KHDRBS2: variants seen among roughly 807,000 people sequenced by gnomAD.
KHDRBS2 encodes KH RNA binding domain containing, signal transduction associated 2.
Under a neutral mutation model 44.3 loss-of-function variants are expected in KHDRBS2, and 26 were observed. That is an observed-to-expected ratio of 0.59 (90% CI 0.43 to 0.81). The LOEUF (loss-of-function observed/expected upper bound fraction) is 0.81, where lower values mean the gene tolerates loss of function less well. Among genes scored for constraint, KHDRBS2 ranks in the 40% least tolerant of loss-of-function variants. The pLI is 0.00. For missense variants in KHDRBS2, 476 were observed against 433.1 expected (o/e 1.10, Z -0.88); for synonymous variants, 194 against 151.1 (o/e 1.28, Z -2.08).
In KHDRBS2 at chr6:61,967,660, A is replaced by C. The variant is rs187182845; in HGVS notation, c.483+10406T>G. Among the ~76,000 whole-genome samples, 252 of 151,982 alleles carry C rather than the reference A, an allele frequency of 1.7e-3. 1 individual carries two copies. Among genetic ancestry groups the C allele is most frequent in the African/African-American group, 6.0e-3 (247 of 41,506 alleles). On this transcript the variant is annotated intron_variant, in intron 4 of 8. Coordinates refer to ENST00000281156, the MANE Select transcript of KHDRBS2 (RefSeq NM_152688.4). ...AAGCAAGTCGGTTGGGAAGAGGCTG[A>C]AAGTGAATAAGCACACAGAGAGAGG...
At chr6:61,581,323 T>A in the KHDRBS2 span, among the ~76,000 whole-genome samples, 10 of 152,244 alleles carry the variant, frequency 6.6e-5, no homozygotes, top group Admixed American at 3.3e-4. Flanking sequence ...CCTCAATATC[T>A]ACTAACAAAC....
intron 6 of KHDRBS2, among the ~76,000 whole-genome samples, chr6:61,837,504 A>G (rs569270834): frequency 2.0e-5 from 3 of 152,098 alleles, no homozygotes; most frequent in African/African-American, 7.2e-5. Flanking sequence ...TTGTAAGACA[A>G]TGTTCAAACA....
At chr6:61,597,417 A>G in the KHDRBS2 span, among the ~76,000 whole-genome samples, 90 of 152,144 alleles carry the variant, frequency 5.9e-4, no homozygotes, top group Non-Finnish European at 9.9e-4. Flanking sequence ...TGTGAGGTGA[A>G]CAAGGGACCC....
At chr6:61,681,169 C>T (rs1217660929) in intron 8 of KHDRBS2, 109 bp from the exon 9 acceptor site, 5 of 723,906 alleles carry the variant, frequency 6.9e-6, no homozygotes, top group African/African-American at 1.8e-5. Context: ...GATCTCAACA[C>T]CGAACGCTAA....
At chr6:61,871,624 A>C (rs1343678161) in intron 6 of KHDRBS2, among the ~76,000 whole-genome samples, 4 of 152,276 alleles carry the variant, frequency 2.6e-5, no homozygotes, top group African/African-American at 9.6e-5. Context: ...AGCTACCCTC[A>C]AAGGGAAACT....
intron 4 of KHDRBS2, among the ~76,000 whole-genome samples, chr6:61,966,214 T>C (rs1468324457): frequency 6.6e-6 from 1 of 152,066 alleles, no homozygotes; most frequent in Non-Finnish European, 1.5e-5. Flanking sequence ...TATCTCATCG[T>C]AAGATAAAAC....
At chr6:61,658,382 T>A in the KHDRBS2 span, among the ~76,000 whole-genome samples, 1 of 151,858 alleles carries the variant, frequency 6.6e-6, no homozygotes, top group Non-Finnish European at 1.5e-5. Flanking sequence ...TTGGGCTAAA[T>A]AAGAAAAAGA....
intron 2 of KHDRBS2, among the ~76,000 whole-genome samples, chr6:62,052,951 C>T (rs1299946656): frequency 2.6e-5 from 4 of 151,884 alleles, no homozygotes; most frequent in Non-Finnish European, 5.9e-5. Context: ...TAAAATTGTT[C>T]TGTATTTGGA....
chr6:61,879,319 C>T (rs183486667), intron 6 of KHDRBS2, among the ~76,000 whole-genome samples: 84 of 152,050 alleles, frequency 5.5e-4, no homozygotes, highest in Non-Finnish European at 9.9e-4. Flanking sequence ...TTCACTCTCA[C>T]AAATTATATT....
At chr6:62,174,624 A>G (rs1820725792) in intron 2 of KHDRBS2, among the ~76,000 whole-genome samples, 1 of 151,862 alleles carries the variant, frequency 6.6e-6, no homozygotes, top group African/African-American at 2.4e-5. Context: ...AATCTATCCA[A>G]AAAAAGTCAT....
chr6:61,788,054 T>G (rs900425483), intron 6 of KHDRBS2, among the ~76,000 whole-genome samples: 3 of 151,618 alleles, frequency 2.0e-5, no homozygotes, highest in African/African-American at 7.2e-5. Context: ...TGGGAATAAT[T>G]TTTTAAGTGC....
At chr6:61,611,748 T>A in the KHDRBS2 span, among the ~76,000 whole-genome samples, 1 of 152,232 alleles carries the variant, frequency 6.6e-6, no homozygotes, top group African/African-American at 2.4e-5. Context: ...ACTTTTATTT[T>A]GAACTTTCGT....
chr6:62,102,725 G>A (rs1323190442), intron 2 of KHDRBS2, among the ~76,000 whole-genome samples: 1 of 152,130 alleles, frequency 6.6e-6, no homozygotes, highest in Non-Finnish European at 1.5e-5. Context: ...AGCAACTCTG[G>A]CTTGGGAAAC....
Position 62,057,354 on chromosome 6 carries a change from G to GA in KHDRBS2, c.220-9361dup, listed in dbSNP as rs573938679. ...TTTCTATTTGAGATTTAAAGTATTAGAAAAAAAAAGTAATCACTAAGCTGG... is the reference window on the plus strand; with the variant it reads ...TTTCTATTTGAGATTTAAAGTATTAGAAAAAAAAAAGTAATCACTAAGCTGG... On this transcript the variant is annotated intron_variant, in intron 2 of 8. Transcript: ENST00000281156. 3.7e-3 allele frequency among the ~76,000 whole-genome samples: 559 copies of GA among 150,542 alleles called. 5 individuals carry two copies. The highest frequency in any genetic ancestry group is 0.012 in the African/African-American group (503 of 41,148).
chr6:62,004,543 A>G (rs1017342627), intron 3 of KHDRBS2, among the ~76,000 whole-genome samples: 36 of 152,248 alleles, frequency 2.4e-4, no homozygotes, highest in African/African-American at 8.7e-4. Flanking sequence ...AAAAAACTCC[A>G]TGACCAGACG....
chr6:62,245,453 G>T (rs1021563607), intron 1 of KHDRBS2, among the ~76,000 whole-genome samples: 1 of 152,048 alleles, frequency 6.6e-6, no homozygotes, highest in African/African-American at 2.4e-5. Flanking sequence ...AATTATGTTT[G>T]ATTTTCTTTC....
intron 3 of KHDRBS2, among the ~76,000 whole-genome samples, chr6:61,996,201 G>A (rs1171016942): frequency 6.6e-6 from 1 of 152,004 alleles, no homozygotes; most frequent in Non-Finnish European, 1.5e-5. Flanking sequence ...TCTGTGACTT[G>A]GAATGAAATC....
intron 2 of KHDRBS2, among the ~76,000 whole-genome samples, chr6:62,103,613 G>A (rs1802427603): frequency 1.4e-5 from 2 of 141,054 alleles, no homozygotes; most frequent in African/African-American, 5.4e-5. Context: ...AGAAGCAGCT[G>A]CGCCCAGGAG....
the KHDRBS2 span, among the ~76,000 whole-genome samples, chr6:61,646,549 T>C: frequency 1.3e-5 from 2 of 152,200 alleles, no homozygotes; most frequent in South Asian, 4.1e-4. Flanking sequence ...ATACATGTTA[T>C]TCATTTGTCC....
Sources: gnomAD v4.1 joint callset for allele counts (sites outside exome capture counted in the v4.1 genomes callset) on GRCh38, gnomAD v4.1.1 for gene constraint, MANE v1.5 for transcripts, NCBI Gene and HGNC (gene_info 2026-07-23, HGNC 2026-07-21) for gene names.